Variants in SCNN1B observed in about 807,000 individuals in gnomAD.
The protein encoded by SCNN1B is epithelial sodium channel subunit beta.
In SCNN1B, 46 loss-of-function variants were observed where a neutral mutation model predicts 65.3. The ratio of observed to expected loss-of-function variants is 0.70; its 90% CI spans 0.56 to 0.90. The LOEUF is 0.90. Among genes scored for constraint, SCNN1B ranks in the 40% least tolerant of loss-of-function variants. The pLI, the probability that SCNN1B is intolerant of heterozygous loss-of-function variation, is 0.00. For missense variants in SCNN1B, 751 were observed against 830.5 expected (o/e 0.90, Z 1.18); for synonymous variants, 349 against 330.6 (o/e 1.06, Z -0.60).
At chr16:23,335,567 C>T (rs913456831) in intron 1 of SCNN1B, among the ~76,000 whole-genome samples, 1 of 152,124 alleles carries the variant, frequency 6.6e-6, no homozygotes, top group Non-Finnish European at 1.5e-5. Context: ...CCTGCCTCAG[C>T]CTCCCAATAG....
At chr16:23,303,745 A>G (rs904663887) in intron 1 of SCNN1B, among the ~76,000 whole-genome samples, 1 of 141,996 alleles carries the variant, frequency 7.0e-6, no homozygotes, top group African/African-American at 2.8e-5. Context: ...GTGAAACCCC[A>G]TTTCTACAAA....
Position 23,375,721 on chromosome 16 carries a change from C to T in SCNN1B, c.1153-17C>T, listed in dbSNP as rs763070772. 6.4e-7 allele frequency: 1 copy of T among 1,569,612 alleles called. No homozygotes were observed. The highest frequency in any genetic ancestry group is 8.8e-7 in the Non-Finnish European group (1 of 1,139,550). On this transcript the variant is annotated splice_polypyrimidine_tract_variant and intron_variant, in intron 7 of 12. Transcript: ENST00000343070. ...CATGCCTGTGTTCTCTCCTTATGAA[C>T]CCCCTACCCTCCCCAGGCCTGTCTT... is the stretch of plus-strand genomic sequence containing the variant.
intron 7 of SCNN1B, among the ~76,000 whole-genome samples, chr16:23,375,494 G>T (rs571383408): frequency 3.3e-5 from 5 of 152,160 alleles, no homozygotes; most frequent in African/African-American, 4.8e-5. Flanking sequence ...GGGATACTGC[G>T]GTCTGGCCTG....
chr16:23,356,804 C>G (rs1962430931), intron 4 of SCNN1B, among the ~76,000 whole-genome samples: 1 of 152,158 alleles, frequency 6.6e-6, no homozygotes, highest in South Asian at 2.1e-4. Context: ...CCTCCCAGCT[C>G]CTGGCAAACC....
intron 1 of SCNN1B, among the ~76,000 whole-genome samples, chr16:23,316,547 A>G (rs1031951442): frequency 2.0e-5 from 3 of 149,768 alleles, no homozygotes; most frequent in African/African-American, 7.4e-5. Context: ...CACCATCATC[A>G]CAACCATTAT....
rs1171536006 is a variant in SCNN1B, at chr16:23,380,377, A to G, written c.1543-44A>G. On this transcript the variant is annotated intron_variant, in intron 12 of 12. Coordinates refer to ENST00000343070, the MANE Select transcript of SCNN1B (RefSeq NM_000336.3). This position sits in a 1 kb window ranked among gnomAD's most constrained non-coding sequence, Gnocchi z 5.4. ...AAGCTGTGAGGCTGGGCTAGAGGCA[A>G]GAATGTGTGGCCTGAGCTCACCCCA... 1 of 1,613,438 alleles carries G rather than the reference A, an allele frequency of 6.2e-7. No homozygotes were observed. The highest frequency in any genetic ancestry group is 1.3e-5 in the African/African-American group (1 of 74,940).
chr16:23,351,822 C>T (rs181377653), intron 2 of SCNN1B, among the ~76,000 whole-genome samples: 1 of 152,258 alleles, frequency 6.6e-6, no homozygotes, highest in East Asian at 1.9e-4. Context: ...CCTCACAGTC[C>T]CATTCATTTT....
At chr16:23,355,248 C>T in intron 3 of SCNN1B, 51 bp from the exon 4 acceptor site, 1 of 1,570,678 alleles carries the variant, frequency 6.4e-7, no homozygotes, top group Non-Finnish European at 8.8e-7. Context: ...TGGCTGGGGT[C>T]CTGCTAGCAG....
At chr16:23,283,521 A>G (rs1169056181) in intron 1 of SCNN1B, among the ~76,000 whole-genome samples, 2 of 152,206 alleles carry the variant, frequency 1.3e-5, no homozygotes, top group African/African-American at 4.8e-5. Flanking sequence ...TGAATATTGC[A>G]CTGAAAGTGA....
chr16:23,334,892 G>T (rs146793602), intron 1 of SCNN1B, among the ~76,000 whole-genome samples: 5 of 152,268 alleles, frequency 3.3e-5, no homozygotes, highest in African/African-American at 7.2e-5. Flanking sequence ...GCACATAAAC[G>T]TGTTTTTTTC....
intron 4 of SCNN1B, among the ~76,000 whole-genome samples, chr16:23,364,204 A>G (rs111656020): frequency 5.2e-4 from 79 of 152,296 alleles, no homozygotes; most frequent in African/African-American, 1.8e-3. Flanking sequence ...AAACTGGTGG[A>G]AAAGATCTAG....
At chr16:23,299,930 T>G (rs1193317437), upstream of SCNN1B, among the ~76,000 whole-genome samples, 2 of 152,132 alleles carry the variant, frequency 1.3e-5, no homozygotes, top group African/African-American at 4.8e-5. Flanking sequence ...AGCAAAGACT[T>G]GGAACCAACC....
At chr16:23,372,266 C>A (rs932287768) in intron 7 of SCNN1B, 2 of 336,862 alleles carry the variant, frequency 5.9e-6, no homozygotes, top group African/African-American at 4.2e-5. Flanking sequence ...TGCCTCCTGC[C>A]ATGAATCTAC....
At chr16:23,311,075 C>T (rs531471085) in intron 1 of SCNN1B, among the ~76,000 whole-genome samples, 3 of 152,344 alleles carry the variant, frequency 2.0e-5, no homozygotes, top group Admixed American at 1.3e-4. Flanking sequence ...GTTCGGCAAA[C>T]ATGTCAATGC....
intron 5 of SCNN1B, among the ~76,000 whole-genome samples, chr16:23,368,330 A>G (rs773133894): frequency 6.6e-6 from 1 of 152,086 alleles, no homozygotes; most frequent in East Asian, 1.9e-4. Context: ...TTCAAGCCCA[A>G]GAGTTCGAGA....
chr16:23,294,735 G>C (rs1046107998), intron 2 of SCNN1B, among the ~76,000 whole-genome samples: 3 of 152,126 alleles, frequency 2.0e-5, no homozygotes, highest in Non-Finnish European at 4.4e-5. Context: ...GCTCATGCCT[G>C]TTATCCCATC....
intron 1 of SCNN1B, among the ~76,000 whole-genome samples, chr16:23,308,831 C>T (rs775924397): frequency 1.3e-5 from 2 of 152,070 alleles, no homozygotes; most frequent in African/African-American, 2.4e-5. Context: ...TGGGGTTTCA[C>T]CACGTTGGCC....
intron 1 of SCNN1B, among the ~76,000 whole-genome samples, chr16:23,307,468 C>T (rs554582900): frequency 1.3e-5 from 2 of 151,966 alleles, no homozygotes; most frequent in Non-Finnish European, 2.9e-5. Flanking sequence ...TACAAGAGTC[C>T]GCCACCATGC....
chr16:23,296,380 T>C (rs1960997201), intron 2 of SCNN1B, among the ~76,000 whole-genome samples: 1 of 152,108 alleles, frequency 6.6e-6, no homozygotes, highest in South Asian at 2.1e-4. Context: ...TAAACATTGG[T>C]TTGAAAATCT....
Sources: gnomAD v4.1 joint callset for allele counts (sites outside exome capture counted in the v4.1 genomes callset) on GRCh38, gnomAD v4.1.1 for gene constraint, Gnocchi (gnomAD v3.1) non-coding constraint, MANE v1.5 for transcripts, NCBI Gene and HGNC (gene_info 2026-07-23, HGNC 2026-07-21) for gene names.